Variants in VPS50 observed in about 807,000 individuals in gnomAD.
The protein encoded by VPS50 is syndetin.
Under a neutral mutation model 139.7 loss-of-function variants are expected in VPS50, and 70 were observed. The observed-to-expected ratio is 0.50, with a 90% confidence interval of 0.41 to 0.61. The LOEUF (loss-of-function observed/expected upper bound fraction) is 0.61, where lower values mean the gene tolerates loss of function less well. VPS50 is among the 20% of genes least tolerant of loss of function. The pLI, the probability that VPS50 is intolerant of heterozygous loss-of-function variation, is 0.00. For missense variants in VPS50, 921 were observed against 1,133.7 expected (o/e 0.81, Z 2.69); for synonymous variants, 365 against 376.7 (o/e 0.97, Z 0.36).
chr7:93,252,174 C>G (rs1393015979), intron 2 of VPS50, among the ~76,000 whole-genome samples: 1 of 152,122 alleles, frequency 6.6e-6, no homozygotes, highest in Non-Finnish European at 1.5e-5. Flanking sequence ...GCCACTGTTT[C>G]TTAGCTGAGT....
intron 14 of VPS50, 75 bp downstream of exon 14, chr7:93,294,711 TA>T (rs1457572837): frequency 7.0e-6 from 8 of 1,142,022 alleles, no homozygotes; most frequent in Non-Finnish European, 1.0e-5. Flanking sequence ...AATTCAGTTT[TA>T]AGTTTTCTAT....
intron 12 of VPS50, among the ~76,000 whole-genome samples, chr7:93,287,864 T>C (rs1796538016): frequency 6.6e-6 from 1 of 152,156 alleles, no homozygotes; most frequent in Non-Finnish European, 1.5e-5. Flanking sequence ...CATATGTGTA[T>C]GGTGTAAGAG....
chr7:93,305,307 G>C (rs1301078096), intron 17 of VPS50, among the ~76,000 whole-genome samples: 1 of 151,906 alleles, frequency 6.6e-6, no homozygotes, highest in East Asian at 1.9e-4. Context: ...ATATATGTTT[G>C]TGTTGTCTGT....
At chr7:93,317,004 G>GA in intron 20 of VPS50, among the ~76,000 whole-genome samples, 1 of 152,228 alleles carries the variant, frequency 6.6e-6, no homozygotes, top group African/African-American at 2.4e-5. Context: ...GGAAACCTAG[G>GA]AAACAGCAGT....
Position 93,256,581 on chromosome 7 carries a change from T to A in VPS50, c.351+19T>A. 1 of 1,323,928 alleles carries A rather than the reference T, an allele frequency of 7.6e-7. No homozygotes were observed. Among genetic ancestry groups the A allele is most frequent in the Non-Finnish European group, 1.0e-6 (1 of 960,228 alleles). 82.0% of individuals were successfully genotyped at this position (1,323,928 alleles called of 1,614,324 possible). Reference sequence around the variant, plus strand: ...TGTAAAGGTAGGATAATATTTGTTATTTTTTGTAGTAGAATTTTTAAATGT... The same window carrying A: ...TGTAAAGGTAGGATAATATTTGTTAATTTTTGTAGTAGAATTTTTAAATGT... On this transcript the variant is annotated intron_variant, in intron 5 of 27. Transcript: ENST00000305866.
intron 2 of VPS50, among the ~76,000 whole-genome samples, chr7:93,248,520 AAAAG>A (rs534384284): frequency 9.2e-5 from 14 of 152,284 alleles, no homozygotes; most frequent in South Asian, 8.3e-4. Flanking sequence ...ATCTCTAATT[AAAAG>A]AAAGAAATGT....
At chr7:93,259,713 TGAAAA>T in intron 9 of VPS50, 81 bp downstream of exon 9, 1 of 726,758 alleles carries the variant, frequency 1.4e-6, no homozygotes, top group Non-Finnish European at 2.5e-6. Context: ...TAATAAACAT[TGAAAA>T]TTAGTATAAA....
At chr7:93,280,599 AC>A (rs1796295555) in intron 12 of VPS50, among the ~76,000 whole-genome samples, 1 of 151,796 alleles carries the variant, frequency 6.6e-6, no homozygotes, top group Non-Finnish European at 1.5e-5. Flanking sequence ...TTGTAGAGAA[AC>A]CCTTTGTGGT....
intron 13 of VPS50, among the ~76,000 whole-genome samples, chr7:93,293,240 T>G (rs998418725): frequency 2.0e-5 from 3 of 152,210 alleles, no homozygotes; most frequent in African/African-American, 7.2e-5. Flanking sequence ...CTGGAGACTG[T>G]TAAGACATAT....
At chr7:93,308,467 A>G (rs940147396) in intron 18 of VPS50, among the ~76,000 whole-genome samples, 2 of 151,886 alleles carry the variant, frequency 1.3e-5, no homozygotes, top group African/African-American at 2.4e-5. Context: ...AATGAGTTTT[A>G]TTAGCAAATT....
intron 9 of VPS50, 72 bp from the exon 10 acceptor site, chr7:93,271,148 G>T: frequency 1.3e-6 from 2 of 1,517,502 alleles, no homozygotes; most frequent in Non-Finnish European, 1.8e-6. Flanking sequence ...TAATTATTCA[G>T]TTAGTATGTA....
At chr7:93,246,226 A>G (rs1795149475) in intron 2 of VPS50, 4 of 823,082 alleles carry the variant, frequency 4.9e-6, no homozygotes, top group Non-Finnish European at 7.8e-6. Context: ...TTGATCAAAG[A>G]TTTGCTGTGG....
chr7:93,361,030 CT>C lies in VPS50; in HGVS notation c.*2599del, dbSNP rs1424246209. The C allele has an allele frequency of 6.6e-6, 1 of 151,710 alleles. No homozygotes were observed. Among genetic ancestry groups the C allele is most frequent in the Admixed American group, 6.6e-5 (1 of 15,190 alleles). The allele number at this position is 151,710 out of a possible 1,614,324, so 9.4% of individuals were successfully genotyped here. A position where few individuals can be genotyped will look rare whatever the true frequency, so the allele number is the denominator to read the frequency against. On this transcript the variant is annotated 3_prime_UTR_variant, in exon 28 of 28. Coordinates refer to ENST00000305866, the MANE Select transcript of VPS50 (RefSeq NM_017667.4). Reference sequence around the variant, plus strand: ...AGTGAAACTTTGTTAGATTAAATAGCTTTTTCTTAACTCACCAAAAAGTAGT... The same window carrying C: ...AGTGAAACTTTGTTAGATTAAATAGCTTTTCTTAACTCACCAAAAAGTAGT...
intron 22 of VPS50, among the ~76,000 whole-genome samples, chr7:93,340,117 C>T (rs1798172980): frequency 6.6e-6 from 1 of 152,120 alleles, no homozygotes; most frequent in African/African-American, 2.4e-5. Flanking sequence ...GTTAAGATTC[C>T]TGCAGTGTCA....
chr7:93,242,069 G>T (rs1343005275), intron 2 of VPS50, among the ~76,000 whole-genome samples: 2 of 151,522 alleles, frequency 1.3e-5, no homozygotes, highest in South Asian at 2.1e-4. Context: ...CATGGTAAAC[G>T]GAAAAAGGTA....
At chr7:93,313,442 A>C (rs73219915) in intron 20 of VPS50, among the ~76,000 whole-genome samples, 6,322 of 152,326 alleles carry the variant, frequency 0.042, 171 homozygotes, top group African/African-American at 0.064. Context: ...ATAATCAAAT[A>C]AAATAAAATA....
At chr7:93,311,103 GACTA>G (rs1306290363) in intron 19 of VPS50, 59 bp from the exon 20 acceptor site, 2 of 795,498 alleles carry the variant, frequency 2.5e-6, no homozygotes, top group Non-Finnish European at 4.5e-6. Flanking sequence ...GGACCTATCT[GACTA>G]ACTTATTGGT....
At position 93,256,384 on chromosome 7, in the gene VPS50, A is replaced by T. The variant is rs1029408048; in HGVS notation, c.298-125A>T. The T allele has an allele frequency of 2.2e-5, 11 of 502,676 alleles. No homozygotes were observed. In the East Asian group the frequency reaches 3.6e-4, roughly 16 times the overall value. 31.1% of individuals were successfully genotyped at this position (502,676 alleles called of 1,614,324 possible). On this transcript the variant is annotated intron_variant, in intron 4 of 27. Transcript: ENST00000305866. Reference sequence around the variant, plus strand: ...AAATGTGTATGGCCATAGTATGCCAATATCTGCTCCCAAAGTTATTGGGGA... The same window carrying T: ...AAATGTGTATGGCCATAGTATGCCATTATCTGCTCCCAAAGTTATTGGGGA...
intron 1 of VPS50, among the ~76,000 whole-genome samples, chr7:93,234,914 A>C (rs540629981): frequency 1.3e-5 from 2 of 149,966 alleles, no homozygotes; most frequent in Non-Finnish European, 2.9e-5. Context: ...TTTATTGAGC[A>C]ATTTGTGCCA....
Sources: gnomAD v4.1 joint callset for allele counts (sites outside exome capture counted in the v4.1 genomes callset) on GRCh38, gnomAD v4.1.1 for gene constraint, MANE v1.5 for transcripts, NCBI Gene and HGNC (gene_info 2026-07-23, HGNC 2026-07-21) for gene names.